The following LEPROT variants were observed in gnomAD, a reference collection of about 807,000 sequenced individuals.
LEPROT encodes the protein leptin receptor gene-related protein.
Under a neutral mutation model 15.4 loss-of-function variants are expected in LEPROT, and 3 were observed. The ratio of observed to expected loss-of-function variants is 0.19; its 90% CI spans 0.09 to 0.50. The LOEUF (loss-of-function observed/expected upper bound fraction) is 0.50, where lower values mean the gene tolerates loss of function less well. LEPROT is among the 20% of genes least tolerant of loss of function. The pLI, the probability that LEPROT is intolerant of heterozygous loss-of-function variation, is 0.97. For missense variants in LEPROT, 137 were observed against 162.2 expected (o/e 0.84, Z 0.84); for synonymous variants, 59 against 57.5 (o/e 1.03, Z -0.12).
intron 1 of LEPROT, among the ~76,000 whole-genome samples, chr1:65,423,376 A>T (rs529255068): frequency 6.6e-6 from 1 of 152,212 alleles, no homozygotes; most frequent in South Asian, 2.1e-4. Flanking sequence ...AAAAAGAGGA[A>T]AAAAAAGACC....
In LEPROT at chr1:65,435,664, G is replaced by T; in HGVS notation, c.*3745G>T. On this transcript the variant is annotated 3_prime_UTR_variant, in exon 4 of 4. Transcript: ENST00000371065. Reference sequence around the variant, plus strand: ...TTACAGGCCTGAGCCACTGTGCCCAGCCAAAATGTGCCTTTGCAAAGTTTG... The same window carrying T: ...TTACAGGCCTGAGCCACTGTGCCCATCCAAAATGTGCCTTTGCAAAGTTTG... 1.0e-6 allele frequency: 1 copy of T among 985,322 alleles called. No homozygotes were observed. Among genetic ancestry groups the T allele is most frequent in the Non-Finnish European group, 1.2e-6 (1 of 829,842 alleles). The allele number at this position is 985,322 out of a possible 1,614,324, so 61.0% of individuals were successfully genotyped here. A position where few individuals can be genotyped will look rare whatever the true frequency, so the allele number is the denominator to read the frequency against.
chr1:65,432,039 T>C lies in LEPROT; in HGVS notation c.*120T>C. 5 of 1,407,268 alleles carry C rather than the reference T, an allele frequency of 3.6e-6. No homozygotes were observed. The highest frequency in any genetic ancestry group is 4.6e-6 in the Non-Finnish European group (5 of 1,081,258). 87.2% of individuals were successfully genotyped at this position (1,407,268 alleles called of 1,614,324 possible). Reference sequence around the variant, plus strand: ...CTGGGTTTTTTAATACCTTTATATATCATGTTCACTTTAAGAAAGACTTCA... The same window carrying C: ...CTGGGTTTTTTAATACCTTTATATACCATGTTCACTTTAAGAAAGACTTCA... On this transcript the variant is annotated 3_prime_UTR_variant, in exon 4 of 4. Coordinates refer to ENST00000371065, the MANE Select transcript of LEPROT (RefSeq NM_017526.5).
chr1:65,427,877 G>A (rs1646411152), intron 2 of LEPROT: 2 of 248,368 alleles, frequency 8.1e-6, no homozygotes, highest in South Asian at 8.1e-5. Flanking sequence ...CTGGCCTCAA[G>A]TCATCCTCCT....
Position 65,433,743 on chromosome 1 carries a change from G to A in LEPROT, c.*1824G>A, listed in dbSNP as rs1322758898. On this transcript the variant is annotated 3_prime_UTR_variant, in exon 4 of 4. Coordinates refer to ENST00000371065, the MANE Select transcript of LEPROT (RefSeq NM_017526.5). ...ATTTAGATACTTTATAATTTTAACC[G>A]GCATTTTTAATAATGACACTTGCAT... 4.4e-6 allele frequency: 4 copies of A among 917,894 alleles called. No homozygotes were observed. Among genetic ancestry groups the A allele is most frequent in the African/African-American group, 1.8e-5 (1 of 55,560 alleles). The allele number at this position is 917,894 out of a possible 1,614,324, so 56.9% of individuals were successfully genotyped here. A position where few individuals can be genotyped will look rare whatever the true frequency, so the allele number is the denominator to read the frequency against.
chr1:65,422,029 C>G (rs1354171998), intron 1 of LEPROT, among the ~76,000 whole-genome samples: 1 of 152,084 alleles, frequency 6.6e-6, no homozygotes, highest in East Asian at 1.9e-4. Context: ...ATTACTATGT[C>G]AGTGTTTATG....
chr1:65,434,965 C>T lies in LEPROT; in HGVS notation c.*3046C>T, dbSNP rs1005768575. 12 of 985,360 alleles carry T rather than the reference C, an allele frequency of 1.2e-5. No homozygotes were observed. The African/African-American group carries it at 1.7e-4, about 14-fold the overall frequency. The allele number at this position is 985,360 out of a possible 1,614,324, so 61.0% of individuals were successfully genotyped here. A position where few individuals can be genotyped will look rare whatever the true frequency, so the allele number is the denominator to read the frequency against. ...CCACATCTGAAATTCCTTTTGACAC[C>T]TGCATTGGGCCGACTGCCATTCCCA... is the stretch of plus-strand genomic sequence containing the variant. On this transcript the variant is annotated 3_prime_UTR_variant, in exon 4 of 4. Transcript: ENST00000371065.
At chr1:65,425,249 G>T in intron 1 of LEPROT, 54 bp from the exon 2 acceptor site, 2 of 1,511,106 alleles carry the variant, frequency 1.3e-6, no homozygotes, top group Non-Finnish European at 1.8e-6. Context: ...AAACCCTCTA[G>T]TGCCTGACAA....
At chr1:65,427,366 G>A (rs1646399521) in intron 2 of LEPROT, among the ~76,000 whole-genome samples, 1 of 152,118 alleles carries the variant, frequency 6.6e-6, no homozygotes, top group South Asian at 2.1e-4. Context: ...TTGAAGCCAG[G>A]AGTTTGAGAC....
chr1:65,426,997 CAAA>C (rs55809705), intron 2 of LEPROT, among the ~76,000 whole-genome samples: 4 of 137,348 alleles, frequency 2.9e-5, no homozygotes, highest in Admixed American at 1.5e-4. Context: ...ACTTTGTCTC[CAAA>C]AAAAAAAAAA....
intron 1 of LEPROT, among the ~76,000 whole-genome samples, chr1:65,423,976 T>A (rs904911569): frequency 6.6e-6 from 1 of 152,200 alleles, no homozygotes; most frequent in Non-Finnish European, 1.5e-5. Flanking sequence ...TTAATTCCCA[T>A]AAGCTCAATA....
chr1:65,434,018 T>C lies in LEPROT; in HGVS notation c.*2099T>C. 2 of 985,388 alleles carry C rather than the reference T, an allele frequency of 2.0e-6. No individual in the cohort carries two copies. The highest frequency in any genetic ancestry group is 2.4e-6 in the Non-Finnish European group (2 of 829,890). The allele number at this position is 985,388 out of a possible 1,614,324, so 61.0% of individuals were successfully genotyped here. A position where few individuals can be genotyped will look rare whatever the true frequency, so the allele number is the denominator to read the frequency against. ...GCAATAATGATTCATTTCTACTACA[T>C]TTTGCAAAAGTGTTTTTGTTGCTTA... On this transcript the variant is annotated 3_prime_UTR_variant, in exon 4 of 4. Coordinates refer to ENST00000371065, the MANE Select transcript of LEPROT (RefSeq NM_017526.5).
chr1:65,421,263 G>A lies in LEPROT; in HGVS notation c.16+523G>A, dbSNP rs934399205. On this transcript the variant is annotated intron_variant, in intron 1 of 3. Transcript: ENST00000371065. The stretch of plus-strand genomic sequence containing the variant: ...CAGAAAGACGGTGTTTCTCGCAGTC[G>A]TGGAGAGTAGATTACGTGTAATTTT... 3 of 1,452,176 alleles carry A rather than the reference G, an allele frequency of 2.1e-6. No individual in the cohort carries two copies. The Admixed American group carries it at 7.2e-5, about 35-fold the overall frequency. The allele number at this position is 1,452,176 out of a possible 1,614,324, so 90.0% of individuals were successfully genotyped here. A position where few individuals can be genotyped will look rare whatever the true frequency, so the allele number is the denominator to read the frequency against.
intron 2 of LEPROT, among the ~76,000 whole-genome samples, chr1:65,426,179 A>C (rs1646361434): frequency 6.6e-6 from 1 of 152,156 alleles, no homozygotes. Flanking sequence ...GGCCATACAG[A>C]TCTCTAGGGA....
chr1:65,435,410 C>G lies in LEPROT; in HGVS notation c.*3491C>G. ...TGAGGCAGAGTCTCGCTCTGTTGCC[C>G]AGGCTGGAGTGCAGTGGTGCGATCT... On this transcript the variant is annotated 3_prime_UTR_variant, in exon 4 of 4. Transcript: ENST00000371065. 1.3e-6 allele frequency: 1 copy of G among 788,580 alleles called. No individual in the cohort carries two copies. The highest frequency in any genetic ancestry group is 6.9e-4 in the Middle Eastern group (1 of 1,450). 48.8% of individuals were successfully genotyped at this position (788,580 alleles called of 1,614,324 possible).
In LEPROT at chr1:65,432,210, T is replaced by C; in HGVS notation, c.*291T>C. ...CGCAGTCTTGTAGGCAGCTGCCACC[T>C]TATGCAGTGCATCGAAACCTTTTGC... On this transcript the variant is annotated 3_prime_UTR_variant, in exon 4 of 4. Transcript: ENST00000371065. The C allele has an allele frequency of 9.5e-7, 1 of 1,048,412 alleles. No individual in the cohort carries two copies. Among genetic ancestry groups the C allele is most frequent in the Non-Finnish European group, 1.1e-6 (1 of 869,816 alleles). 64.9% of individuals were successfully genotyped at this position (1,048,412 alleles called of 1,614,324 possible).
At chr1:65,429,465 T>C (rs567251433) in intron 2 of LEPROT, among the ~76,000 whole-genome samples, 1 of 152,336 alleles carries the variant, frequency 6.6e-6, no homozygotes, top group East Asian at 1.9e-4. Flanking sequence ...TTCTAAGCTC[T>C]TAAAAGGTTT....
Position 65,427,934 on chromosome 1 carries a change from AT to A in LEPROT, c.93-1927del, listed in dbSNP as rs572099470. Reference sequence around the variant, plus strand: ...ATCTTGATAGTGAACCAGGATTATCATCTATATTGGAAGTCAGCAAACTGCC... The same window carrying A: ...ATCTTGATAGTGAACCAGGATTATCACTATATTGGAAGTCAGCAAACTGCC... On this transcript the variant is annotated intron_variant, in intron 2 of 3. Coordinates refer to ENST00000371065, the MANE Select transcript of LEPROT (RefSeq NM_017526.5). 1.2e-3 allele frequency: 215 copies of A among 176,624 alleles called. 4 individuals carry two copies. In the South Asian group the frequency reaches 0.015, roughly 12 times the overall value. The allele number at this position is 176,624 out of a possible 1,614,324, so 10.9% of individuals were successfully genotyped here. A position where few individuals can be genotyped will look rare whatever the true frequency, so the allele number is the denominator to read the frequency against.
chr1:65,431,227 T>C (rs959579103), intron 3 of LEPROT, among the ~76,000 whole-genome samples: 1 of 152,214 alleles, frequency 6.6e-6, no homozygotes, highest in Non-Finnish European at 1.5e-5. Context: ...AATACTGCCA[T>C]CATATTTTGT....
Position 65,432,703 on chromosome 1 carries a change from CAGTT to C in LEPROT, c.*787_*790del, listed in dbSNP as rs915857187. On this transcript the variant is annotated 3_prime_UTR_variant, in exon 4 of 4. Transcript: ENST00000371065. The stretch of plus-strand genomic sequence containing the variant: ...GAGACAGTCAAAGGGTACAAAGCCT[CAGTT>C]AGGAGGAATAAGTGTGATTTTTTTT... The C allele has an allele frequency of 1.3e-4, 116 of 898,442 alleles. No individual in the cohort carries two copies. Among genetic ancestry groups the C allele is most frequent in the South Asian group, 7.2e-4 (14 of 19,506 alleles). 55.7% of individuals were successfully genotyped at this position (898,442 alleles called of 1,614,324 possible).
Sources: gnomAD v4.1 joint callset for allele counts (sites outside exome capture counted in the v4.1 genomes callset) on GRCh38, gnomAD v4.1.1 for gene constraint, MANE v1.5 for transcripts, NCBI Gene and HGNC (gene_info 2026-07-23, HGNC 2026-07-21) for gene names.